Variants in VPS37D observed in about 807,000 individuals in gnomAD.
VPS37D encodes VPS37D subunit of ESCRT-I.
In VPS37D, 5 loss-of-function variants were observed where a neutral mutation model predicts 22.0. The observed-to-expected ratio is 0.23, with a 90% CI of 0.12 to 0.48. VPS37D has a LOEUF of 0.48. VPS37D is among the 20% of genes least tolerant of loss of function. The pLI, the probability that VPS37D is intolerant of heterozygous loss-of-function variation, is 0.99. For synonymous variants in VPS37D, 174 were observed against 159.3 expected (o/e 1.09, Z -0.69); for missense variants, 384 against 345.8 (o/e 1.11, Z -0.88).
chr7:73,670,346 G>A (rs1338636312), intron 3 of VPS37D, among the ~76,000 whole-genome samples: 4 of 152,192 alleles, frequency 2.6e-5, no homozygotes, highest in African/African-American at 9.7e-5. Context: ...GTGGATCTGG[G>A]GCTACAGAGG....
chr7:73,671,332 C>A lies in VPS37D; in HGVS notation c.712C>A (p.Leu238Met). Residue 238 changes from leucine (L) to methionine (M), a missense_variant, in exon 4 of 4, where the codon CTG (leucine) becomes ATG (methionine). Coordinates refer to ENST00000324941, the MANE Select transcript of VPS37D (RefSeq NM_001077621.2). The part of the protein sequence containing the change: ...SPGCPLGPAP[L>M]LSPRPSQPEP... ...CGGGTGCCCCCTCGGCCCGGCCCCCCTGCTGAGCCCTCGGCCCTCGCAGCC... is the reference window on the plus strand; with the variant it reads ...CGGGTGCCCCCTCGGCCCGGCCCCCATGCTGAGCCCTCGGCCCTCGCAGCC... The A allele has an allele frequency of 2.2e-6, 3 of 1,381,810 alleles. No homozygotes were observed. In the South Asian group the frequency reaches 4.7e-5, roughly 22 times the overall value. The allele number at this position is 1,381,810 out of a possible 1,614,324, so 85.6% of individuals were successfully genotyped here.
Position 73,668,071 on chromosome 7 carries a change from A to G in VPS37D, c.113A>G (p.Asp38Gly). ...RDLLQDEPKL[D>G]RIVRLSRKFQ... ...CTGCTTCAGGATGAGCCCAAGCTGGACCGGATCGTGCGGCTCAGCAGGAAG... is the reference window on the plus strand; with the variant it reads ...CTGCTTCAGGATGAGCCCAAGCTGGGCCGGATCGTGCGGCTCAGCAGGAAG... Residue 38 changes from aspartate to glycine, a missense_variant, in exon 1 of 4, where the codon GAC becomes GGC. Physicochemically the swap from Asp to Gly is moderately conservative, Grantham distance 94. Transcript: ENST00000324941. The G allele has an allele frequency of 1.8e-6, 2 of 1,132,484 alleles. No individual in the cohort carries two copies. The highest frequency in any genetic ancestry group is 3.6e-5 in the South Asian group (1 of 28,164). 70.2% of individuals were successfully genotyped at this position (1,132,484 alleles called of 1,614,324 possible).
upstream of VPS37D, among the ~76,000 whole-genome samples, chr7:73,666,767 T>C (rs917399752): frequency 6.6e-6 from 1 of 151,972 alleles, no homozygotes; most frequent in Non-Finnish European, 1.5e-5. Flanking sequence ...CATTATAACA[T>C]TGCTAGCCAT....
Position 73,671,367 on chromosome 7 carries a change from C to G in VPS37D, c.747C>G (p.Pro249=). Residue 249 remains proline (P), a synonymous_variant, in exon 4 of 4, where the codon CCC becomes CCG. Coordinates refer to ENST00000324941, the MANE Select transcript of VPS37D (RefSeq NM_001077621.2). ...CTCGGCCCTCGCAGCCAGAGCCCCC[C>G]CACCGGTAGGATCCACGGTGCGGCC... ...LSPRPSQPEP[P]HR The G allele has an allele frequency of 7.3e-7, 1 of 1,375,670 alleles. No individual in the cohort carries two copies. The highest frequency in any genetic ancestry group is 9.4e-7 in the Non-Finnish European group (1 of 1,067,318). The allele number at this position is 1,375,670 out of a possible 1,614,324, so 85.2% of individuals were successfully genotyped here.
chr7:73,668,226 T>G, intron 1 of VPS37D, 130 bp downstream of exon 1: 1 of 439,602 alleles, frequency 2.3e-6, no homozygotes, highest in Non-Finnish European at 3.0e-6. Flanking sequence ...CACGTACGAG[T>G]GGGCCCCGCG....
intron 1 of VPS37D, among the ~76,000 whole-genome samples, chr7:73,668,971 T>G (rs1425590392): frequency 6.6e-6 from 1 of 151,784 alleles, no homozygotes; most frequent in Non-Finnish European, 1.5e-5. Flanking sequence ...TGGGAGTGTT[T>G]TCGGTGCAAA....
At position 73,671,138 on chromosome 7, in the gene VPS37D, G is replaced by A. The variant is rs781893847; in HGVS notation, c.518G>A (p.Arg173Gln). Residue 173 changes from arginine (R) to glutamine (Q), a missense_variant, in exon 4 of 4, where the codon CGG becomes CAG. Arg to Gln is a conservative substitution (Grantham distance 43, BLOSUM62 1). Coordinates refer to ENST00000324941, the MANE Select transcript of VPS37D (RefSeq NM_001077621.2). ...GCAGAGAAGCTGCAGGAGCTGCTGC[G>A]GCGTCGGGAGCGTTCTGCCCAGCCG... is the stretch of plus-strand genomic sequence containing the variant. Reference protein sequence around the residue: ...TQAEKLQELLRRRERSAQPAP... With the variant: ...TQAEKLQELLQRRERSAQPAP... 32 of 1,607,364 alleles carry A rather than the reference G, an allele frequency of 2.0e-5. No individual in the cohort carries two copies. The highest frequency in any genetic ancestry group is 1.4e-4 in the South Asian group (13 of 90,794).
At chr7:73,668,345 T>G (rs2116626683) in intron 1 of VPS37D, among the ~76,000 whole-genome samples, 1 of 151,904 alleles carries the variant, frequency 6.6e-6, no homozygotes, top group East Asian at 2.0e-4. Context: ...AGGCGTGTCC[T>G]ACAGCGGATG....
chr7:73,669,615 CCTGGGG>C lies in VPS37D; in HGVS notation c.310+30_310+35del, dbSNP rs1554609333. On this transcript the variant is annotated intron_variant, in intron 2 of 3. Coordinates refer to ENST00000324941, the MANE Select transcript of VPS37D (RefSeq NM_001077621.2). ...GGTGAGGGCACGTCTGGGAGAACCC[CCTGGGG>C]CTGGTGGGGGCAGTTGGCCATCCGG... The C allele has an allele frequency of 1.9e-6, 3 of 1,568,400 alleles. No homozygotes were observed. In the African/African-American group the frequency reaches 4.1e-5, roughly 21 times the overall value.
upstream of VPS37D, among the ~76,000 whole-genome samples, chr7:73,665,859 G>A (rs932407752): frequency 1.1e-4 from 16 of 152,134 alleles, no homozygotes; most frequent in Non-Finnish European, 2.9e-5. Context: ...AGTTGTCGTT[G>A]TTGTTTTTTG....
chr7:73,669,093 A>G (rs1459942810), intron 1 of VPS37D, among the ~76,000 whole-genome samples: 2 of 152,162 alleles, frequency 1.3e-5, no homozygotes, highest in Non-Finnish European at 2.9e-5. Context: ...AGACATATTA[A>G]TTGAAAAATT....
At chr7:73,667,131 C>A (rs1797391813), upstream of VPS37D, among the ~76,000 whole-genome samples, 1 of 151,994 alleles carries the variant, frequency 6.6e-6, no homozygotes, top group Non-Finnish European at 1.5e-5. Context: ...CGCCACCACG[C>A]CCGGCTAATT....
Position 73,669,589 on chromosome 7 carries a change from G to A in VPS37D, c.309G>A (p.Leu103=). ...AENCADKLQR[L]EESMHRWSPH... is the part of the protein sequence containing the mutation. ...ACTGCGCGGACAAGCTGCAGCGACTGGGTGAGGGCACGTCTGGGAGAACCC... is the reference window on the plus strand; with the variant it reads ...ACTGCGCGGACAAGCTGCAGCGACTAGGTGAGGGCACGTCTGGGAGAACCC... The change falls in exon 2 of 4, where the codon CTG becomes CTA. Residue 103 remains leucine (L), a splice_region_variant and synonymous_variant. Transcript: ENST00000324941. 6.3e-7 allele frequency: 1 copy of A among 1,587,786 alleles called. No homozygotes were observed. The highest frequency in any genetic ancestry group is 8.6e-7 in the Non-Finnish European group (1 of 1,166,596).
Position 73,667,908 on chromosome 7 carries a change from C to T in VPS37D, c.-51C>T, listed in dbSNP as rs1481851034. The T allele has an allele frequency of 1.8e-5, 12 of 677,194 alleles. No individual in the cohort carries two copies. Among genetic ancestry groups the T allele is most frequent in the Non-Finnish European group, 2.2e-5 (12 of 544,106 alleles). The allele number at this position is 677,194 out of a possible 1,614,324, so 41.9% of individuals were successfully genotyped here. On this transcript the variant is annotated 5_prime_UTR_variant, in exon 1 of 4. Transcript: ENST00000324941. ...GGAGCGGAGCGGAGCCGGGGCGGAG[C>T]GGGCCGAGCGGGCCGAGCCAGCAGC... is the stretch of plus-strand genomic sequence containing the variant.
chr7:73,666,231 A>C (rs1466398478), upstream of VPS37D, among the ~76,000 whole-genome samples: 1 of 152,150 alleles, frequency 6.6e-6, no homozygotes, highest in Non-Finnish European at 1.5e-5. Flanking sequence ...TACTAGAATT[A>C]GTTGAGTGGG....
Position 73,671,537 on chromosome 7 carries a change from A to G in VPS37D, c.*161A>G. ...GAGCTGGGGAGGAGGGTCCCCTGGA[A>G]GAGGCCCGAGAGGGGGCTGGGGGTG... On this transcript the variant is annotated 3_prime_UTR_variant, in exon 4 of 4. Coordinates refer to ENST00000324941, the MANE Select transcript of VPS37D (RefSeq NM_001077621.2). The G allele has an allele frequency of 6.3e-6, 1 of 157,720 alleles. No individual in the cohort carries two copies. The highest frequency in any genetic ancestry group is 1.3e-4 in the South Asian group (1 of 7,516). The allele number at this position is 157,720 out of a possible 1,614,324, so 9.8% of individuals were successfully genotyped here.
intron 3 of VPS37D, among the ~76,000 whole-genome samples, chr7:73,670,572 C>A (rs895329749): frequency 6.6e-6 from 1 of 152,190 alleles, no homozygotes; most frequent in African/African-American, 2.4e-5. Context: ...CTTTGGGAGA[C>A]CGAGGCGGGC....
upstream of VPS37D, among the ~76,000 whole-genome samples, chr7:73,666,085 G>A (rs1302012379): frequency 6.6e-6 from 1 of 151,998 alleles, no homozygotes; most frequent in African/African-American, 2.4e-5. Flanking sequence ...CTCATTGTCT[G>A]ACTTAATTTC....
chr7:73,667,836 GGTGC>G lies in VPS37D; in HGVS notation c.-117_-114del, dbSNP rs1205003735. 2 of 229,388 alleles carry G rather than the reference GGTGC, an allele frequency of 8.7e-6. No homozygotes were observed. Among genetic ancestry groups the G allele is most frequent in the Non-Finnish European group, 1.5e-5 (2 of 136,496 alleles). 14.2% of individuals were successfully genotyped at this position (229,388 alleles called of 1,614,324 possible). A position where few individuals can be genotyped will look rare whatever the true frequency, so the allele number is the denominator to read the frequency against. Reference sequence around the variant, plus strand: ...GAGGGGCGCCCCCTGGCGGCGGAGCGGTGCGTGCGGCCGGAGCCGGAGCGGATCC... The same window carrying G: ...GAGGGGCGCCCCCTGGCGGCGGAGCGGTGCGGCCGGAGCCGGAGCGGATCC... On this transcript the variant is annotated 5_prime_UTR_variant, in exon 1 of 4. Coordinates refer to ENST00000324941, the MANE Select transcript of VPS37D (RefSeq NM_001077621.2).
Sources: allele counts gnomAD v4.1 joint callset (sites outside exome capture counted in the v4.1 genomes callset), GRCh38; gene constraint gnomAD v4.1.1; transcripts MANE v1.5; gene names NCBI Gene and HGNC (gene_info 2026-07-23, HGNC 2026-07-21).